The following FLI1 variants were observed in gnomAD, a reference collection of about 807,000 sequenced individuals.
The protein encoded by FLI1 is Fli-1 proto-oncogene, ETS transcription factor.
FLI1 carries 13 observed loss-of-function variants against 53.1 expected under a neutral mutation model. That is an observed-to-expected ratio of 0.24 (90% confidence interval 0.16 to 0.39). The LOEUF (loss-of-function observed/expected upper bound fraction) is 0.39, where lower values mean the gene tolerates loss of function less well. Among genes scored for constraint, FLI1 ranks in the 10% least tolerant of loss-of-function variants. The probability of loss-of-function intolerance (pLI) is 1.00; values close to 1 mark genes in which losing one functional copy is unlikely to be tolerated. For synonymous variants in FLI1, 244 were observed against 236.7 expected (o/e 1.03, Z -0.28); for missense variants, 424 against 600.5 (o/e 0.71, Z 3.07).
intron 1 of FLI1, among the ~76,000 whole-genome samples, chr11:128,736,827 G>T (rs1451999887): frequency 1.3e-5 from 2 of 152,128 alleles, no homozygotes; most frequent in Non-Finnish European, 2.9e-5. Context: ...ATGCACTTTT[G>T]TGGGTATCTG....
chr11:128,806,869 A>T (rs970732944), intron 6 of FLI1: 1 of 236,330 alleles, frequency 4.2e-6, no homozygotes, highest in Non-Finnish European at 8.1e-6. Context: ...TTTACTTTTT[A>T]AAAATTTGAA....
chr11:128,762,700 G>C lies in FLI1; in HGVS notation c.230+4374G>C, dbSNP rs142974128. Reference sequence around the variant, plus strand: ...CGGCCAGGTGTGGTGGCTCATGCCTGTAATCCCAGCACTTTGGGAGGCCAA... The same window carrying C: ...CGGCCAGGTGTGGTGGCTCATGCCTCTAATCCCAGCACTTTGGGAGGCCAA... On this transcript the variant is annotated intron_variant, in intron 2 of 8. Coordinates refer to ENST00000527786, the MANE Select transcript of FLI1 (RefSeq NM_002017.5). 4.9e-4 allele frequency among the ~76,000 whole-genome samples: 74 copies of C among 152,336 alleles called. 2 individuals carry two copies. Among genetic ancestry groups the C allele is most frequent in the African/African-American group, 1.7e-3 (70 of 41,568 alleles).
Position 128,707,705 on chromosome 11 carries a change from T to A in FLI1, c.18+13429T>A, listed in dbSNP as rs60032196. On this transcript the variant is annotated intron_variant, in intron 1 of 8. Transcript: ENST00000527786. ...TTGTAGACAAGCCATGACAGGGCAG[T>A]AGGACTGGGTTTAGAGCTCATCAGA... 3.0e-3 allele frequency among the ~76,000 whole-genome samples: 461 copies of A among 152,308 alleles called. 1 individual carries two copies. The highest frequency in any genetic ancestry group is 0.011 in the African/African-American group (437 of 41,564).
At chr11:128,759,357 C>G (rs536636346) in intron 2 of FLI1, among the ~76,000 whole-genome samples, 1 of 152,198 alleles carries the variant, frequency 6.6e-6, no homozygotes, top group South Asian at 2.1e-4. Context: ...TGAGCACAGA[C>G]GTGACATTTA....
At chr11:128,793,438 T>C (rs907307725) in intron 5 of FLI1, among the ~76,000 whole-genome samples, 1 of 152,118 alleles carries the variant, frequency 6.6e-6, no homozygotes, top group Non-Finnish European at 1.5e-5. Context: ...ACTTGTGTTC[T>C]TAGAATAATC....
chr11:128,738,371 C>T (rs1939992850), intron 1 of FLI1, among the ~76,000 whole-genome samples: 1 of 152,158 alleles, frequency 6.6e-6, no homozygotes, highest in Non-Finnish European at 1.5e-5. Context: ...CAACCAAGGC[C>T]TCACCTTTCT....
At chr11:128,773,124 C>T in intron 4 of FLI1, 139 bp downstream of exon 4, 1 of 761,244 alleles carries the variant, frequency 1.3e-6, no homozygotes, top group East Asian at 2.5e-5. Flanking sequence ...TTGCCAAGGT[C>T]ACGTGGGCTC....
intron 1 of FLI1, among the ~76,000 whole-genome samples, chr11:128,698,837 T>G (rs1163244217): frequency 1.3e-5 from 2 of 152,148 alleles, no homozygotes; most frequent in East Asian, 3.9e-4. Context: ...TAAATAAAAT[T>G]GTATCACTAC....
intron 5 of FLI1, among the ~76,000 whole-genome samples, chr11:128,782,557 G>T (rs1435488532): frequency 6.6e-6 from 1 of 152,130 alleles, no homozygotes; most frequent in African/African-American, 2.4e-5. Flanking sequence ...AATTAGCCAG[G>T]TGTGGTGGCA....
At chr11:128,735,955 C>A (rs1939895372) in intron 1 of FLI1, among the ~76,000 whole-genome samples, 1 of 152,192 alleles carries the variant, frequency 6.6e-6, no homozygotes, top group Non-Finnish European at 1.5e-5. Flanking sequence ...AGAATTAGGA[C>A]ATGGTTGATC....
chr11:128,727,703 T>C (rs1013341146), intron 1 of FLI1, among the ~76,000 whole-genome samples: 2 of 152,214 alleles, frequency 1.3e-5, no homozygotes, highest in African/African-American at 2.4e-5. Context: ...TTTGCACTTA[T>C]TTCATGATGC....
intron 7 of FLI1, among the ~76,000 whole-genome samples, chr11:128,808,069 G>A (rs1231279010): frequency 6.6e-6 from 1 of 152,176 alleles, no homozygotes; most frequent in East Asian, 1.9e-4. Flanking sequence ...ATTTCACCTG[G>A]AAGGTTAAGA....
upstream of FLI1, among the ~76,000 whole-genome samples, chr11:128,685,375 G>T (rs1865782599): frequency 1.3e-5 from 2 of 152,224 alleles, no homozygotes; most frequent in South Asian, 4.1e-4. Context: ...TGCCTAAGGT[G>T]AGTGCCCACT....
upstream of FLI1, among the ~76,000 whole-genome samples, chr11:128,690,624 G>C (rs987131531): frequency 5.3e-5 from 8 of 152,226 alleles, no homozygotes; most frequent in African/African-American, 1.9e-4. Context: ...ATGGTGCGAG[G>C]CAAGTCGTCT....
At chr11:128,754,189 T>C (rs1009979020) in intron 1 of FLI1, among the ~76,000 whole-genome samples, 2 of 151,592 alleles carry the variant, frequency 1.3e-5, no homozygotes, top group Non-Finnish European at 2.9e-5. Flanking sequence ...TACATTGTAA[T>C]GGAAAAAAAG....
At chr11:128,729,553 C>G (rs1008514914) in intron 1 of FLI1, among the ~76,000 whole-genome samples, 1 of 152,114 alleles carries the variant, frequency 6.6e-6, no homozygotes, top group Non-Finnish European at 1.5e-5. Flanking sequence ...TGGCACTGCC[C>G]GGGGGAAACA....
chr11:128,703,704 G>A (rs1445671642), intron 1 of FLI1, among the ~76,000 whole-genome samples: 1 of 151,950 alleles, frequency 6.6e-6, no homozygotes, highest in Non-Finnish European at 1.5e-5. Flanking sequence ...TTAGCTGGGT[G>A]TGGTGGTGCA....
chr11:128,796,422 T>C (rs1341475966), intron 5 of FLI1, among the ~76,000 whole-genome samples: 1 of 152,236 alleles, frequency 6.6e-6, no homozygotes, highest in Non-Finnish European at 1.5e-5. Flanking sequence ...CTATTAAAAT[T>C]CTTACATGGC....
intron 1 of FLI1, among the ~76,000 whole-genome samples, chr11:128,725,376 C>T (rs539475711): frequency 1.1e-4 from 17 of 152,304 alleles, no homozygotes; most frequent in African/African-American, 1.9e-4. Context: ...GGACATAAGG[C>T]GGCCGGCCGG....
Sources: allele counts gnomAD v4.1 joint callset (sites outside exome capture counted in the v4.1 genomes callset), GRCh38; gene constraint gnomAD v4.1.1; transcripts MANE v1.5; gene names NCBI Gene and HGNC (gene_info 2026-07-23, HGNC 2026-07-21).